The following NELL1 variants were observed in gnomAD, a reference collection of about 807,000 sequenced individuals.
NELL1 encodes the protein protein kinase C-binding protein NELL1.
A neutral mutation model predicts 107.4 loss-of-function variants in NELL1; 76 were observed. The ratio of observed to expected loss-of-function variants is 0.71; its 90% confidence interval spans 0.59 to 0.86. NELL1 has a LOEUF of 0.86. NELL1 is among the 40% of genes least tolerant of loss of function. The pLI is 0.00. For synonymous variants in NELL1, 353 were observed against 341.2 expected (o/e 1.03, Z -0.38); for missense variants, 1,024 against 1,005.5 (o/e 1.02, Z -0.25).
At chr11:21,116,781 A>G (rs1855245820) in intron 13 of NELL1, among the ~76,000 whole-genome samples, 1 of 151,904 alleles carries the variant, frequency 6.6e-6, no homozygotes. Context: ...TTACCATCTT[A>G]GTGGACTTCA....
intron 15 of NELL1, among the ~76,000 whole-genome samples, chr11:21,417,251 A>T (rs1468644541): frequency 6.6e-6 from 1 of 151,900 alleles, no homozygotes; most frequent in Admixed American, 6.6e-5. Flanking sequence ...TTATAATAAT[A>T]ATTATTGTCA....
chr11:21,523,895 G>GTA lies in NELL1; in HGVS notation c.1646-10469_1646-10468dup, dbSNP rs1266930884. ...AAACTTTTTTCATATGTGTGTGTGT[G>GTA]TATATATATATGAGAACATATATAC... On this transcript the variant is annotated intron_variant, in intron 15 of 19. Transcript: ENST00000357134. Among the ~76,000 whole-genome samples, 13 of 151,220 alleles carry GTA rather than the reference G, an allele frequency of 8.6e-5. No individual in the cohort carries two copies. In the East Asian group the frequency reaches 1.8e-3, roughly 21 times the overall value.
At chr11:20,849,904 C>T (rs893975654) in intron 4 of NELL1, among the ~76,000 whole-genome samples, 4 of 152,122 alleles carry the variant, frequency 2.6e-5, no homozygotes, top group Non-Finnish European at 1.5e-5. Flanking sequence ...GGATTAGATT[C>T]CCCGAGGGCG....
chr11:21,027,645 T>G (rs1852849850), intron 12 of NELL1, among the ~76,000 whole-genome samples: 1 of 152,164 alleles, frequency 6.6e-6, no homozygotes, highest in Non-Finnish European at 1.5e-5. Context: ...TTGGCAGATC[T>G]CAGCAATAAC....
chr11:20,843,827 T>A (rs1049137962), intron 3 of NELL1, among the ~76,000 whole-genome samples: 17 of 152,044 alleles, frequency 1.1e-4, no homozygotes, highest in African/African-American at 4.1e-4. Flanking sequence ...ACTAAGGAAT[T>A]CAGATAGTCT....
intron 14 of NELL1, among the ~76,000 whole-genome samples, chr11:21,306,085 C>T (rs1177799665): frequency 6.6e-6 from 1 of 151,796 alleles, no homozygotes; most frequent in Non-Finnish European, 1.5e-5. Context: ...ATTTATTAGC[C>T]AGTTGTTTGC....
Position 21,230,492 on chromosome 11 carries a change from C to T in NELL1, c.1549+1038C>T, listed in dbSNP as rs140647030. The stretch of plus-strand genomic sequence containing the variant: ...CCAAAGAGGAAAGGCACAATCATAA[C>T]GAAAAAATAGGCAACATGAACAAGA... On this transcript the variant is annotated intron_variant, in intron 14 of 19. Coordinates refer to ENST00000357134, the MANE Select transcript of NELL1 (RefSeq NM_006157.5). Among the ~76,000 whole-genome samples, 225 of 152,028 alleles carry T rather than the reference C, an allele frequency of 1.5e-3. 1 individual carries two copies. Among genetic ancestry groups the T allele is most frequent in the South Asian group, 8.5e-3 (41 of 4,810 alleles).
chr11:20,678,493 C>T (rs1854116848), intron 2 of NELL1, among the ~76,000 whole-genome samples: 1 of 152,172 alleles, frequency 6.6e-6, no homozygotes, highest in African/African-American at 2.4e-5. Flanking sequence ...GTAGAGCTTA[C>T]TCAGTTCTGC....
At chr11:20,907,180 G>C (rs1193131690) in intron 5 of NELL1, among the ~76,000 whole-genome samples, 2 of 138,542 alleles carry the variant, frequency 1.4e-5, no homozygotes, top group East Asian at 4.3e-4. Flanking sequence ...ATAAAAAGTA[G>C]AGGTAAATAT....
intron 14 of NELL1, among the ~76,000 whole-genome samples, chr11:21,361,818 T>C (rs912686477): frequency 6.6e-6 from 1 of 152,182 alleles, no homozygotes; most frequent in Non-Finnish European, 1.5e-5. Context: ...TAAGTATTCC[T>C]TTCATTTCTA....
intron 15 of NELL1, among the ~76,000 whole-genome samples, chr11:21,381,907 T>TG (rs1295059776): frequency 2.1e-3 from 52 of 24,688 alleles, no homozygotes; most frequent in African/African-American, 6.8e-3. Context: ...GGAAGGGATT[T>TG]TTTTTTTTTT....
chr11:20,708,226 T>C (rs1158577702), intron 2 of NELL1, among the ~76,000 whole-genome samples: 2 of 152,216 alleles, frequency 1.3e-5, no homozygotes, highest in African/African-American at 4.8e-5. Context: ...TGTCCCGATT[T>C]TCCAGGTACC....
chr11:20,878,407 G>A (rs939750673), intron 4 of NELL1, among the ~76,000 whole-genome samples: 1 of 141,230 alleles, frequency 7.1e-6, no homozygotes, highest in Non-Finnish European at 1.5e-5. Context: ...TAATTTTCAA[G>A]TTGTCGACTG....
chr11:20,933,906 G>A (rs188392276), intron 9 of NELL1, among the ~76,000 whole-genome samples: 6 of 152,332 alleles, frequency 3.9e-5, no homozygotes, highest in Admixed American at 3.9e-4. Flanking sequence ...TAATGGAGAA[G>A]TGTGTGTTGG....
At chr11:21,181,544 C>G (rs943339282) in intron 13 of NELL1, among the ~76,000 whole-genome samples, 6 of 151,888 alleles carry the variant, frequency 4.0e-5, no homozygotes, top group African/African-American at 1.5e-4. Flanking sequence ...CTTTTCCTTA[C>G]ATCACTATTT....
chr11:20,958,607 T>C (rs952520702), intron 11 of NELL1, among the ~76,000 whole-genome samples: 1 of 152,206 alleles, frequency 6.6e-6, no homozygotes, highest in Non-Finnish European at 1.5e-5. Context: ...AGTAAAACTA[T>C]TTTTTAAGTA....
chr11:21,166,712 G>A (rs1420210183), intron 13 of NELL1, among the ~76,000 whole-genome samples: 4 of 151,814 alleles, frequency 2.6e-5, no homozygotes, highest in African/African-American at 9.7e-5. Context: ...TAGAGGCTAA[G>A]GCCGAAACTT....
chr11:20,888,132 C>T (rs1235708561), intron 5 of NELL1, among the ~76,000 whole-genome samples: 1 of 151,630 alleles, frequency 6.6e-6, no homozygotes, highest in African/African-American at 2.4e-5. Context: ...GAAACAAAAA[C>T]CAAAAACCTC....
intron 2 of NELL1, among the ~76,000 whole-genome samples, chr11:20,718,171 C>A (rs1414149146): frequency 6.6e-6 from 1 of 152,158 alleles, no homozygotes; most frequent in Non-Finnish European, 1.5e-5. Flanking sequence ...GCAGCATTAT[C>A]CAATAGAACT....
Sources: gnomAD v4.1 joint callset for allele counts (sites outside exome capture counted in the v4.1 genomes callset) on GRCh38, gnomAD v4.1.1 for gene constraint, MANE v1.5 for transcripts, NCBI Gene and HGNC (gene_info 2026-07-23, HGNC 2026-07-21) for gene names.